The following DCC variants were observed in gnomAD, a reference collection of about 807,000 sequenced individuals.
DCC encodes DCC netrin 1 receptor, also known as netrin receptor DCC.
Under a neutral mutation model 172.5 loss-of-function variants are expected in DCC, and 58 were observed. That is an observed-to-expected ratio of 0.34 (90% CI 0.27 to 0.42). DCC has a LOEUF of 0.42. Ranked by LOEUF, DCC falls within the 10% of genes least tolerant of loss-of-function variation. The pLI, the probability that DCC is intolerant of heterozygous loss-of-function variation, is 1.00. For missense variants in DCC, 1,740 were observed against 1,791.0 expected (o/e 0.97, Z 0.51); for synonymous variants, 709 against 644.5 (o/e 1.10, Z -1.52).
At chr18:52,527,187 CATG>C (rs2031870810) in intron 1 of DCC, among the ~76,000 whole-genome samples, 2 of 152,164 alleles carry the variant, frequency 1.3e-5, no homozygotes, top group Non-Finnish European at 2.9e-5. Context: ...GAGGGGATAT[CATG>C]TCATAAGACT....
At chr18:52,523,324 C>G (rs150920017) in intron 1 of DCC, among the ~76,000 whole-genome samples, 1 of 152,136 alleles carries the variant, frequency 6.6e-6, no homozygotes, top group Non-Finnish European at 1.5e-5. Context: ...AACAAGCACA[C>G]AAGTTGATCA....
Position 53,125,779 on chromosome 18 carries a change from C to T in DCC, c.1262-31577C>T, listed in dbSNP as rs2043547259. On this transcript the variant is annotated intron_variant, in intron 7 of 28. Coordinates refer to ENST00000442544, the MANE Select transcript of DCC (RefSeq NM_005215.4). Reference sequence around the variant, plus strand: ...AAGTGTACACACAGACACAGTGCTTCTTTTATACTACCATTGACTAACTTA... The same window carrying T: ...AAGTGTACACACAGACACAGTGCTTTTTTTATACTACCATTGACTAACTTA... Among the ~76,000 whole-genome samples the T allele has an allele frequency of 2.0e-5, 3 of 152,114 alleles. No individual in the cohort carries two copies. In the South Asian group the frequency reaches 6.2e-4, roughly 32 times the overall value.
chr18:53,150,060 G>C (rs2043975531), intron 7 of DCC, among the ~76,000 whole-genome samples: 1 of 152,166 alleles, frequency 6.6e-6, no homozygotes, highest in African/African-American at 2.4e-5. Context: ...GCACAATGTA[G>C]AAAGCTTGCC....
At chr18:52,980,016 T>C (rs1159498580) in intron 5 of DCC, among the ~76,000 whole-genome samples, 9 of 59,060 alleles carry the variant, frequency 1.5e-4, no homozygotes, top group Non-Finnish European at 2.4e-4. Context: ...CCCTGAGACA[T>C]AGGCACGGCT....
At chr18:52,738,055 G>T (rs780351012) in intron 1 of DCC, among the ~76,000 whole-genome samples, 1 of 152,124 alleles carries the variant, frequency 6.6e-6, no homozygotes, top group Non-Finnish European at 1.5e-5. Context: ...GGCAACATAA[G>T]TATCGATATA....
At chr18:52,738,240 G>A (rs1371244615) in intron 1 of DCC, among the ~76,000 whole-genome samples, 2 of 151,974 alleles carry the variant, frequency 1.3e-5, no homozygotes, top group African/African-American at 4.8e-5. Flanking sequence ...CTTAATGATG[G>A]GAATCGTTCT....
chr18:52,534,584 C>T (rs1235611467), intron 1 of DCC, among the ~76,000 whole-genome samples: 1 of 152,110 alleles, frequency 6.6e-6, no homozygotes, highest in African/African-American at 2.4e-5. Flanking sequence ...GTACATTAGG[C>T]CCGCAGTAGG....
At chr18:52,697,120 A>G (rs2036025110) in intron 1 of DCC, among the ~76,000 whole-genome samples, 1 of 152,220 alleles carries the variant, frequency 6.6e-6, no homozygotes, top group Non-Finnish European at 1.5e-5. Context: ...TTGATTGCAT[A>G]GTATTTTTTG....
chr18:53,256,695 A>G (rs1271706707), intron 12 of DCC, among the ~76,000 whole-genome samples: 6 of 151,888 alleles, frequency 4.0e-5, no homozygotes, highest in East Asian at 1.9e-4. Flanking sequence ...GGCAATGCGG[A>G]CTCTTTTTTG....
intron 23 of DCC, 127 bp downstream of exon 23, chr18:53,450,789 T>A (rs2045401719): frequency 1.2e-6 from 1 of 812,912 alleles, no homozygotes; most frequent in African/African-American, 1.7e-5. Flanking sequence ...TGGCAAAACC[T>A]TGCGTTTTGT....
chr18:52,633,605 A>G (rs1259561929), intron 1 of DCC, among the ~76,000 whole-genome samples: 2 of 152,210 alleles, frequency 1.3e-5, no homozygotes, highest in Non-Finnish European at 2.9e-5. Flanking sequence ...TTGATTTTTA[A>G]AAAATCAAAT....
chr18:52,478,248 GTATCCTA>G (rs1989152794), intron 1 of DCC, among the ~76,000 whole-genome samples: 1 of 152,148 alleles, frequency 6.6e-6, no homozygotes, highest in Admixed American at 6.5e-5. Flanking sequence ...TCAATAGGAA[GTATCCTA>G]TACTATCACC....
At chr18:53,346,366 T>A (rs539892797) in intron 15 of DCC, among the ~76,000 whole-genome samples, 1 of 152,268 alleles carries the variant, frequency 6.6e-6, no homozygotes, top group East Asian at 1.9e-4. Flanking sequence ...CTTCAAATAT[T>A]TTTCCCCACT....
At chr18:53,436,236 GCTTT>G (rs1362495531) in intron 22 of DCC, among the ~76,000 whole-genome samples, 24 of 152,212 alleles carry the variant, frequency 1.6e-4, no homozygotes, top group African/African-American at 5.1e-4. Flanking sequence ...GCTACAACTT[GCTTT>G]CTTTTTTAAC....
intron 7 of DCC, among the ~76,000 whole-genome samples, chr18:53,136,120 TA>T (rs34432576): frequency 0.17 from 25,059 of 149,796 alleles, 2,711 homozygotes; most frequent in African/African-American, 0.31. Flanking sequence ...TCTGCAGTTG[TA>T]AAAAAAAAAT....
At chr18:52,468,428 G>A (rs1223309760) in intron 1 of DCC, among the ~76,000 whole-genome samples, 1 of 152,106 alleles carries the variant, frequency 6.6e-6, no homozygotes, top group African/African-American at 2.4e-5. Flanking sequence ...GGGCTCTTTG[G>A]AAACATTTAA....
At chr18:52,827,312 T>TA (rs2038528340) in intron 2 of DCC, among the ~76,000 whole-genome samples, 1 of 152,218 alleles carries the variant, frequency 6.6e-6, no homozygotes, top group Non-Finnish European at 1.5e-5. Context: ...CTTTAATAGC[T>TA]ACATCCTGAG....
chr18:52,765,880 A>G (rs73463710), intron 2 of DCC, among the ~76,000 whole-genome samples: 16,517 of 152,206 alleles, frequency 0.11, 2,987 homozygotes, highest in African/African-American at 0.38. Flanking sequence ...TTTTTCATGT[A>G]TTAATGGCTA....
chr18:52,999,964 G>A (rs913481486), intron 5 of DCC, among the ~76,000 whole-genome samples: 2 of 151,992 alleles, frequency 1.3e-5, no homozygotes, highest in African/African-American at 4.8e-5. Flanking sequence ...AAGGCCATGT[G>A]ATGAAAGAAG....
Sources: gnomAD v4.1 joint callset for allele counts (sites outside exome capture counted in the v4.1 genomes callset) on GRCh38, gnomAD v4.1.1 for gene constraint, MANE v1.5 for transcripts, NCBI Gene and HGNC (gene_info 2026-07-23, HGNC 2026-07-21) for gene names.